Variants in EYS observed in about 807,000 individuals in gnomAD.
EYS encodes protein eyes shut homolog.
EYS carries 250 observed loss-of-function variants against 282.1 expected under a neutral mutation model. The observed-to-expected ratio is 0.89, with a 90% CI of 0.80 to 0.98. EYS has a LOEUF of 0.98. Among genes scored for constraint, EYS ranks in the 50% least tolerant of loss-of-function variants. The probability of loss-of-function intolerance (pLI) is 0.00; values close to 1 mark genes in which losing one functional copy is unlikely to be tolerated. For synonymous variants in EYS, 1,355 were observed against 1,282.9 expected, an observed-to-expected ratio of 1.06 and a Z score of -1.20; for missense variants, 4,016 against 3,709.0, an observed-to-expected ratio of 1.08 and a Z score of -2.15.
intron 29 of EYS, among the ~76,000 whole-genome samples, chr6:64,309,419 G>C (rs995779514): frequency 2.0e-5 from 3 of 152,080 alleles, no homozygotes; most frequent in African/African-American, 7.2e-5. Flanking sequence ...AAATTTCCCA[G>C]CCATTAGCCT....
At chr6:63,883,017 C>T (rs1184460543) in intron 35 of EYS, among the ~76,000 whole-genome samples, 2 of 152,112 alleles carry the variant, frequency 1.3e-5, no homozygotes, top group Non-Finnish European at 2.9e-5. Flanking sequence ...TACTCCCCAG[C>T]AGCTGAAGGC....
intron 22 of EYS, among the ~76,000 whole-genome samples, chr6:64,799,201 T>A (rs1197825445): frequency 6.6e-6 from 1 of 151,962 alleles, no homozygotes; most frequent in East Asian, 1.9e-4. Context: ...TCTACTACTT[T>A]TTTTTAATTT....
chr6:64,310,344 AAT>A (rs1769644672), intron 29 of EYS, among the ~76,000 whole-genome samples: 2 of 152,224 alleles, frequency 1.3e-5, no homozygotes, highest in Admixed American at 1.3e-4. Flanking sequence ...AATACCCAGC[AAT>A]AATAGATTGG....
At chr6:64,829,862 A>ATAGG (rs1299942152) in intron 19 of EYS, among the ~76,000 whole-genome samples, 2 of 151,964 alleles carry the variant, frequency 1.3e-5, no homozygotes, top group Non-Finnish European at 2.9e-5. Flanking sequence ...TCCTGAAAAT[A>ATAGG]TAGGTTCCAG....
At chr6:65,338,273 TA>T in intron 10 of EYS, among the ~76,000 whole-genome samples, 1 of 151,326 alleles carries the variant, frequency 6.6e-6, no homozygotes, top group South Asian at 2.1e-4. Context: ...TGGTTTTCTA[TA>T]AAATTTACAC....
In EYS at chr6:65,384,422, A is replaced by T; in HGVS notation, c.1263T>A (p.Asn421Lys). The T allele has an allele frequency of 6.2e-7, 1 of 1,608,934 alleles. No homozygotes were observed. The highest frequency in any genetic ancestry group is 8.5e-7 in the Non-Finnish European group (1 of 1,177,076). Reference protein sequence around the residue: ...HCKLLSINCLNEEWCFNIIGR... With the variant: ...HCKLLSINCLKEEWCFNIIGR... ...CAATTATATTGAAACACCATTCTTC[A>T]TTCAGACAGTTGATGCTGAGCAGTT... is the stretch of plus-strand genomic sequence containing the variant. Residue 421 changes from asparagine to lysine, a missense_variant, in exon 8 of 43, where the codon AAT (asparagine) becomes AAA (lysine). Coordinates refer to ENST00000503581, the MANE Select transcript of EYS (RefSeq NM_001142800.2).
chr6:65,520,289 A>T (rs1767317775), intron 2 of EYS, among the ~76,000 whole-genome samples: 1 of 152,184 alleles, frequency 6.6e-6, no homozygotes, highest in African/African-American at 2.4e-5. Context: ...TGATAAAAAG[A>T]AACTCAATTT....
chr6:65,358,169 A>G (rs570680172), intron 8 of EYS, among the ~76,000 whole-genome samples: 1 of 152,020 alleles, frequency 6.6e-6, no homozygotes, highest in Non-Finnish European at 1.5e-5. Flanking sequence ...ATTTAAATTA[A>G]TATTTGGAAC....
intron 35 of EYS, among the ~76,000 whole-genome samples, chr6:63,929,372 T>C (rs1008611083): frequency 3.9e-5 from 6 of 152,208 alleles, no homozygotes; most frequent in Non-Finnish European, 8.8e-5. Context: ...ACAGCTGTTA[T>C]ATCCACAGGA....
At chr6:63,967,390 G>T (rs143425730) in intron 35 of EYS, among the ~76,000 whole-genome samples, 1 of 152,340 alleles carries the variant, frequency 6.6e-6, no homozygotes, top group Admixed American at 6.5e-5. Flanking sequence ...CTACTGTGTA[G>T]AAGTAGCCTG....
At chr6:64,305,587 A>G (rs1769410303) in intron 30 of EYS, among the ~76,000 whole-genome samples, 1 of 152,228 alleles carries the variant, frequency 6.6e-6, no homozygotes, top group South Asian at 2.1e-4. Flanking sequence ...ACCCTTATGT[A>G]TATGATTTTT....
intron 31 of EYS, among the ~76,000 whole-genome samples, chr6:64,175,879 T>C (rs1258189767): frequency 1.3e-5 from 2 of 152,130 alleles, no homozygotes; most frequent in African/African-American, 4.8e-5. Context: ...CAGATATTCT[T>C]GCTTTTTTGG....
chr6:64,214,214 A>G (rs1765862844), intron 31 of EYS, among the ~76,000 whole-genome samples: 1 of 152,098 alleles, frequency 6.6e-6, no homozygotes, highest in Non-Finnish European at 1.5e-5. Flanking sequence ...ACAAAATGTT[A>G]ACTGTGTACA....
intron 2 of EYS, among the ~76,000 whole-genome samples, chr6:65,575,062 C>T (rs1338272782): frequency 6.6e-6 from 1 of 152,030 alleles, no homozygotes; most frequent in African/African-American, 2.4e-5. Flanking sequence ...TGGCTCACGC[C>T]TATAATCCTA....
At chr6:64,380,841 C>T (rs1561961131) in intron 29 of EYS, among the ~76,000 whole-genome samples, 1 of 151,812 alleles carries the variant, frequency 6.6e-6, no homozygotes, top group South Asian at 2.1e-4. Context: ...TATGGCGAAA[C>T]CCGTCTCTAC....
intron 18 of EYS, among the ~76,000 whole-genome samples, chr6:64,898,715 T>C (rs1182043452): frequency 6.7e-6 from 1 of 149,458 alleles, no homozygotes; most frequent in East Asian, 2.0e-4. Flanking sequence ...ATGCATCTCG[T>C]ATGCAAAGAC....
chr6:64,542,794 T>TGA (rs1764731120), intron 26 of EYS, among the ~76,000 whole-genome samples: 1 of 152,112 alleles, frequency 6.6e-6, no homozygotes, highest in African/African-American at 2.4e-5. Context: ...ATCTATATTT[T>TGA]TAAGGAGGCA....
At chr6:64,980,865 A>AT (rs575160772) in intron 14 of EYS, among the ~76,000 whole-genome samples, 303 of 151,408 alleles carry the variant, frequency 2.0e-3, no homozygotes, top group African/African-American at 6.8e-3. Flanking sequence ...GTGAGTTAAG[A>AT]TAAAAAAAAA....
At chr6:64,751,796 A>AT (rs1296404520) in intron 22 of EYS, among the ~76,000 whole-genome samples, 1 of 152,166 alleles carries the variant, frequency 6.6e-6, no homozygotes, top group Admixed American at 6.5e-5. Flanking sequence ...TCACAGCCCC[A>AT]TATGTGGCAG....
Sources: gnomAD v4.1 joint callset for allele counts (sites outside exome capture counted in the v4.1 genomes callset) on GRCh38, gnomAD v4.1.1 for gene constraint, MANE v1.5 for transcripts, NCBI Gene and HGNC (gene_info 2026-07-23, HGNC 2026-07-21) for gene names.